Variants in CCDC88C observed in about 807,000 individuals in gnomAD.
CCDC88C encodes the protein protein Daple.
Under a neutral mutation model 198.8 loss-of-function variants are expected in CCDC88C, and 131 were observed. That is an observed-to-expected ratio of 0.66 (90% CI 0.57 to 0.76). CCDC88C has a LOEUF of 0.76. Among genes scored for constraint, CCDC88C ranks in the 30% least tolerant of loss-of-function variants. CCDC88C has a pLI of 0.00. For synonymous variants in CCDC88C, 1,166 were observed against 1,114.7 expected (o/e 1.05, Z -0.92); for missense variants, 2,553 against 2,631.6 (o/e 0.97, Z 0.65).
At position 91,381,206 on chromosome 14, in the gene CCDC88C, T is replaced by C. The variant is rs1314074431; in HGVS notation, c.271-21495A>G. 6.6e-6 allele frequency among the ~76,000 whole-genome samples: 1 copy of C among 152,130 alleles called. No individual in the cohort carries two copies. Among genetic ancestry groups the C allele is most frequent in the Non-Finnish European group, 1.5e-5 (1 of 68,008 alleles). ...GGTGTGGGGCTTTCCCGGTACGGTCTGAGTCTCCTGTCCCCCAGCTTGTCC... is the reference window on the plus strand; with the variant it reads ...GGTGTGGGGCTTTCCCGGTACGGTCCGAGTCTCCTGTCCCCCAGCTTGTCC... On this transcript the variant is annotated intron_variant, in intron 3 of 29. Coordinates refer to ENST00000389857, the MANE Select transcript of CCDC88C (RefSeq NM_001080414.4). This position sits in a 1 kb window ranked among gnomAD's most constrained non-coding sequence, Gnocchi z 4.2.
chr14:91,277,008 C>T (rs1052538350), intron 29 of CCDC88C, among the ~76,000 whole-genome samples: 2 of 152,110 alleles, frequency 1.3e-5, no homozygotes, highest in East Asian at 1.9e-4. Flanking sequence ...CTCGCTCTGT[C>T]GCTCAAGATG....
Position 91,300,089 on chromosome 14 carries a change from T to A in CCDC88C, c.3636-19A>T, listed in dbSNP as rs775038330. On this transcript the variant is annotated intron_variant, in intron 20 of 29. Transcript: ENST00000389857. The stretch of plus-strand genomic sequence containing the variant: ...ACCGTGCCTGTTGGAGGGAAGCACC[T>A]GCCGTGAGTCTGGCCAGGGCCTTCT... 10 of 1,604,052 alleles carry A rather than the reference T, an allele frequency of 6.2e-6. No homozygotes were observed. In the East Asian group the frequency reaches 2.0e-4, roughly 32 times the overall value.
chr14:91,314,194 C>A lies in CCDC88C; in HGVS notation c.1666-44G>T, dbSNP rs1891993100. ...GGCACAACCCAGGCTGCTGCAGGAA[C>A]CTATTTCAGTGACATGGGCTCACAC... On this transcript the variant is annotated intron_variant, in intron 14 of 29. Transcript: ENST00000389857. The A allele has an allele frequency of 3.4e-6, 5 of 1,492,340 alleles. No homozygotes were observed. The South Asian group carries it at 6.1e-5, about 18-fold the overall frequency. 92.4% of individuals were successfully genotyped at this position (1,492,340 alleles called of 1,614,324 possible).
rs894516500 is a variant in CCDC88C, at chr14:91,352,929, G to C, written c.340+6713C>G. ...CTCTGAGCCTGTGCCTGGGTTGCCA[G>C]GATGGAGGTCAGTAAGCCTGGGGCA... On this transcript the variant is annotated intron_variant, in intron 4 of 29. Transcript: ENST00000389857. The surrounding 1 kb of genome is among the most constrained non-coding windows in gnomAD (Gnocchi z 4.2). Among the ~76,000 whole-genome samples, 4 of 152,220 alleles carry C rather than the reference G, an allele frequency of 2.6e-5. No individual in the cohort carries two copies. The highest frequency in any genetic ancestry group is 9.6e-5 in the African/African-American group (4 of 41,460).
At chr14:91,314,766 T>C (rs1239037441) in intron 14 of CCDC88C, among the ~76,000 whole-genome samples, 1 of 152,264 alleles carries the variant, frequency 6.6e-6, no homozygotes, top group Non-Finnish European at 1.5e-5. Flanking sequence ...GGCAGGGCCC[T>C]GTCCGTCTGT....
intron 2 of CCDC88C, among the ~76,000 whole-genome samples, chr14:91,409,656 T>G (rs1444209066): frequency 6.6e-6 from 1 of 151,680 alleles, no homozygotes; most frequent in East Asian, 1.9e-4. Context: ...CCCAGCTAAT[T>G]TTTGTATTTT....
Position 91,294,268 on chromosome 14 carries a change from C to A in CCDC88C, c.4017G>T (p.Leu1339=), listed in dbSNP as rs146153594. 2 of 1,613,986 alleles carry A rather than the reference C, an allele frequency of 1.2e-6. No individual in the cohort carries two copies. Among genetic ancestry groups the A allele is most frequent in the African/African-American group, 2.7e-5 (2 of 75,068 alleles). The part of the protein sequence containing the change: ...GNLEEENHHL[L]SQIQLLSQQN... ...GCTGGCTCAACAGCTGGATCTGGCT[C>A]AGGAGGTGATGATTTTCTTCCTCCA... Residue 1339 remains leucine, a synonymous_variant, in exon 23 of 30, where the codon CTG becomes CTT. Transcript: ENST00000389857.
At chr14:91,347,534 G>C (rs1032432534) in intron 4 of CCDC88C, among the ~76,000 whole-genome samples, 2 of 152,132 alleles carry the variant, frequency 1.3e-5, no homozygotes, top group Non-Finnish European at 2.9e-5. Flanking sequence ...GACATGAACA[G>C]ACACTTCTCA....
intron 6 of CCDC88C, 139 bp from the exon 7 acceptor site, chr14:91,340,163 CCT>C: frequency 8.2e-7 from 1 of 1,223,506 alleles, no homozygotes; most frequent in African/African-American, 1.5e-5. Context: ...AAAAGGGTGC[CCT>C]ACGCAAGTGT....
At chr14:91,379,590 C>A (rs1034783499) in intron 3 of CCDC88C, 2 of 563,546 alleles carry the variant, frequency 3.5e-6, no homozygotes, top group Non-Finnish European at 6.3e-6. Flanking sequence ...GGGGATCACA[C>A]GAGCAGAAGT....
In CCDC88C at chr14:91,291,803, T is replaced by G. The variant is rs1890673261; in HGVS notation, c.4113-719A>C. ...GGAAATTGAGCCACTTTTCAAAAAC[T>G]CTGCCAGGGACCAAAGAGATATCTC... is the stretch of plus-strand genomic sequence containing the variant. On this transcript the variant is annotated intron_variant, in intron 23 of 29. Coordinates refer to ENST00000389857, the MANE Select transcript of CCDC88C (RefSeq NM_001080414.4). 2.6e-5 allele frequency among the ~76,000 whole-genome samples: 4 copies of G among 152,182 alleles called. No homozygotes were observed. In the South Asian group the frequency reaches 8.3e-4, roughly 31 times the overall value.
intron 10 of CCDC88C, among the ~76,000 whole-genome samples, chr14:91,328,212 CAGA>C (rs1483285590): frequency 6.6e-6 from 1 of 152,232 alleles, no homozygotes; most frequent in Non-Finnish European, 1.5e-5. Context: ...TGGCATGGAA[CAGA>C]AGATTTCTAA....
At position 91,271,534 on chromosome 14, in the gene CCDC88C, C is replaced by T. The variant is rs1328880797; in HGVS notation, c.*1091G>A. The stretch of plus-strand genomic sequence containing the variant: ...CACCCCAGGAAAAGCACCTTTACAA[C>T]AGGAAACTAAATTGTCAGGAATCTG... On this transcript the variant is annotated 3_prime_UTR_variant, in exon 30 of 30. Transcript: ENST00000389857. 1 of 150,998 alleles carries T rather than the reference C, an allele frequency of 6.6e-6. No individual in the cohort carries two copies. The highest frequency in any genetic ancestry group is 1.5e-5 in the Non-Finnish European group (1 of 67,786). The allele number at this position is 150,998 out of a possible 1,614,324, so 9.4% of individuals were successfully genotyped here. A position where few individuals can be genotyped will look rare whatever the true frequency, so the allele number is the denominator to read the frequency against.
intron 3 of CCDC88C, among the ~76,000 whole-genome samples, chr14:91,383,710 C>T (rs1283587704): frequency 6.6e-6 from 1 of 152,194 alleles, no homozygotes; most frequent in Non-Finnish European, 1.5e-5. Flanking sequence ...GGAAAGCAAG[C>T]ACTGGGAAAA....
Position 91,273,253 on chromosome 14 carries a change from G to A in CCDC88C, c.5459C>T (p.Ala1820Val). Residue 1820 changes from alanine (A) to valine (V), a missense_variant, in exon 30 of 30, where the codon GCC becomes GTC. Ala to Val is a moderately conservative substitution (Grantham distance 64). Coordinates refer to ENST00000389857, the MANE Select transcript of CCDC88C (RefSeq NM_001080414.4). The surrounding 1 kb of genome is among the most constrained non-coding windows in gnomAD (Gnocchi z 5.6). The stretch of plus-strand genomic sequence containing the variant: ...CTTCTGAGGGGACTCCTGTTTGCAG[G>A]CCTCTGGCCCGCTGGCCCGGAGAAG... ...ADLLRASGPE[A>V]CKQESPQKLG... 6.4e-7 allele frequency: 1 copy of A among 1,559,512 alleles called. No individual in the cohort carries two copies. The highest frequency in any genetic ancestry group is 8.7e-7 in the Non-Finnish European group (1 of 1,151,654).
Position 91,324,870 on chromosome 14 carries a change from G to A in CCDC88C, c.1251C>T (p.Val417=). ...TGCTCTGCTTCTGTGCAATCTCAAG[G>A]ACCATGTTTTCTTCCAGCAGCTCCT... ...RIEELLEENM[V]LEIAQKQSMN... Residue 417 remains valine, a synonymous_variant, in exon 12 of 30, where the codon GTC becomes GTT. Transcript: ENST00000389857. 2 of 1,613,822 alleles carry A rather than the reference G, an allele frequency of 1.2e-6. No individual in the cohort carries two copies. Among genetic ancestry groups the A allele is most frequent in the Non-Finnish European group, 1.7e-6 (2 of 1,179,880 alleles).
At chr14:91,314,857 C>G (rs988991230) in intron 14 of CCDC88C, among the ~76,000 whole-genome samples, 2 of 152,164 alleles carry the variant, frequency 1.3e-5, no homozygotes, top group African/African-American at 2.4e-5. Flanking sequence ...ATACTTGGGG[C>G]CAGTGATGGT....
chr14:91,387,065 G>C (rs1006798800), intron 3 of CCDC88C, among the ~76,000 whole-genome samples: 10 of 152,168 alleles, frequency 6.6e-5, no homozygotes, highest in African/African-American at 2.4e-4. Flanking sequence ...TGTGGAAAAT[G>C]AGGCATAAAG....
Position 91,273,505 on chromosome 14 carries a change from G to A in CCDC88C, c.5207C>T (p.Ala1736Val), listed in dbSNP as rs374780136. 3.2e-6 allele frequency: 5 copies of A among 1,544,804 alleles called. No homozygotes were observed. The African/African-American group carries it at 7.0e-5, about 22-fold the overall frequency. The change falls in exon 30 of 30, where the codon GCC (alanine) becomes GTC (valine). Residue 1736 changes from alanine to valine, a missense_variant. Physicochemically the swap from Ala to Val is moderately conservative, Grantham distance 64. This residue lies in a region of CCDC88C where 1,293 missense variants were observed against 1,219.6 expected (regional missense o/e 1.06). Transcript: ENST00000389857. This position sits in a 1 kb window ranked among gnomAD's most constrained non-coding sequence, Gnocchi z 5.6. Reference sequence around the variant, plus strand: ...CGGCCTCCCCTCCGAGGTGGGGGCGGCCATTTTGACGGTGGGGGCCACAAA... The same window carrying A: ...CGGCCTCCCCTCCGAGGTGGGGGCGACCATTTTGACGGTGGGGGCCACAAA... ...TNFVAPTVKMAAPTSEGRPLK... is the reference protein window; with the variant it reads ...TNFVAPTVKMVAPTSEGRPLK...
Sources: gnomAD v4.1 joint callset for allele counts (sites outside exome capture counted in the v4.1 genomes callset) on GRCh38, gnomAD v4.1.1 for gene constraint, gnomAD v4.1.1 regional missense constraint, Gnocchi (gnomAD v3.1) non-coding constraint, MANE v1.5 for transcripts, NCBI Gene and HGNC (gene_info 2026-07-23, HGNC 2026-07-21) for gene names.